The following RANBP2 variants were observed in gnomAD, a reference collection of about 807,000 sequenced individuals.
RANBP2 encodes the protein RAN binding protein 2.
A neutral mutation model predicts 303.6 loss-of-function variants in RANBP2; 57 were observed. The observed-to-expected ratio is 0.19, with a 90% CI of 0.15 to 0.23. The LOEUF is 0.23. Ranked by LOEUF, RANBP2 falls within the 10% of genes least tolerant of loss-of-function variation. RANBP2 has a pLI of 1.00. For synonymous variants in RANBP2, 1,167 were observed against 1,301.5 expected, an observed-to-expected ratio of 0.90 and a Z score of 2.23; for missense variants, 3,138 against 3,780.8, an observed-to-expected ratio of 0.83 and a Z score of 4.46.
chr2:108,946,438 C>T, the RANBP2 span, among the ~76,000 whole-genome samples: 1 of 152,222 alleles, frequency 6.6e-6, no homozygotes, highest in Non-Finnish European at 1.5e-5. Flanking sequence ...GGAATATTGG[C>T]AGCACCAAAC....
chr2:109,447,985 C>G, the RANBP2 span, among the ~76,000 whole-genome samples: 6 of 152,202 alleles, frequency 3.9e-5, no homozygotes, highest in East Asian at 3.9e-4. Flanking sequence ...TGGGCGGCTT[C>G]TCCTCCAGGC....
the RANBP2 span, among the ~76,000 whole-genome samples, chr2:109,071,673 C>A: frequency 1.4e-5 from 2 of 146,926 alleles, no homozygotes; most frequent in Non-Finnish European, 1.5e-5. Flanking sequence ...GACTCTATCT[C>A]AAAAAAAAAA....
At chr2:108,825,647 T>C in the RANBP2 span, among the ~76,000 whole-genome samples, 1 of 152,240 alleles carries the variant, frequency 6.6e-6, no homozygotes, top group South Asian at 2.1e-4. Context: ...TCATTCCTTT[T>C]TATTACCAAA....
the RANBP2 span, among the ~76,000 whole-genome samples, chr2:109,180,658 CTCTT>C: frequency 6.6e-6 from 1 of 152,068 alleles, no homozygotes; most frequent in Non-Finnish European, 1.5e-5. Flanking sequence ...TTGCTTGGCT[CTCTT>C]TGTCTGATGT....
chr2:108,986,631 G>A, the RANBP2 span, among the ~76,000 whole-genome samples: 1 of 152,250 alleles, frequency 6.6e-6, no homozygotes, highest in African/African-American at 2.4e-5. Flanking sequence ...GAACCTCTCT[G>A]AGCCTCAATT....
Position 108,754,977 on chromosome 2 carries a change from G to C in RANBP2, c.2275G>C (p.Gly759Arg), listed in dbSNP as rs779220689. 1 of 1,611,680 alleles carries C rather than the reference G, an allele frequency of 6.2e-7. No individual in the cohort carries two copies. The highest frequency in any genetic ancestry group is 1.1e-5 in the South Asian group (1 of 90,992). Residue 759 changes from glycine to arginine, a missense_variant, in exon 16 of 29, where the codon GGA becomes CGA. By Grantham distance (125) the Gly-to-Arg change is moderately radical. This residue lies in a region of RANBP2 where 194 missense variants were observed against 197.4 expected (regional missense o/e 0.98). Coordinates refer to ENST00000283195, the MANE Select transcript of RANBP2 (RefSeq NM_006267.5). ...VMQELEDYSE[G>R]GPLYKNGSLR... Reference sequence around the variant, plus strand: ...GCAGGAACTCGAAGACTATAGTGAAGGAGGTCCTCTCTATAAAAATGGTTC... The same window carrying C: ...GCAGGAACTCGAAGACTATAGTGAACGAGGTCCTCTCTATAAAAATGGTTC...
At chr2:109,656,168 C>A in the RANBP2 span, among the ~76,000 whole-genome samples, 3 of 152,200 alleles carry the variant, frequency 2.0e-5, no homozygotes, top group African/African-American at 7.2e-5. Context: ...CCATGAGCCA[C>A]AGCAGGGGCC....
At chr2:109,164,920 G>A in the RANBP2 span, among the ~76,000 whole-genome samples, 424 of 152,250 alleles carry the variant, frequency 2.8e-3, 2 homozygotes, top group African/African-American at 9.4e-3. Context: ...CACTACAACT[G>A]GACCATTGCA....
At chr2:109,308,855 T>C in the RANBP2 span, among the ~76,000 whole-genome samples, 1 of 67,848 alleles carries the variant, frequency 1.5e-5, no homozygotes, top group African/African-American at 1.3e-4. Flanking sequence ...AGTCAGGTAG[T>C]GTGATGCCTC....
At chr2:109,498,642 C>A in the RANBP2 span, among the ~76,000 whole-genome samples, 2 of 152,212 alleles carry the variant, frequency 1.3e-5, no homozygotes. Flanking sequence ...TTCCCTAGTT[C>A]ATTCCCCCTA....
At chr2:108,917,017 G>A in the RANBP2 span, among the ~76,000 whole-genome samples, 578 of 152,302 alleles carry the variant, frequency 3.8e-3, 4 homozygotes, top group African/African-American at 0.013. Context: ...TCTTCCCTGC[G>A]CTCGGAGCTC....
the RANBP2 span, among the ~76,000 whole-genome samples, chr2:109,620,912 T>C: frequency 6.6e-6 from 1 of 152,184 alleles, no homozygotes; most frequent in African/African-American, 2.4e-5. Context: ...AAACATACCA[T>C]GGACTGCCTT....
chr2:109,357,447 C>T, the RANBP2 span, among the ~76,000 whole-genome samples: 1 of 152,220 alleles, frequency 6.6e-6, no homozygotes, highest in African/African-American at 2.4e-5. Context: ...TCCCAAAGTG[C>T]TGGGATTACA....
the RANBP2 span, among the ~76,000 whole-genome samples, chr2:109,160,857 A>G: frequency 0.82 from 124,656 of 152,158 alleles, 51,211 homozygotes; most frequent in East Asian, 0.89. Context: ...CAGGGCCAGG[A>G]GAGGCTGCAA....
chr2:109,305,579 A>G, the RANBP2 span, among the ~76,000 whole-genome samples: 1 of 152,146 alleles, frequency 6.6e-6, no homozygotes, highest in African/African-American at 2.4e-5. Context: ...AGCAGTAGAG[A>G]GTCTCAGCTA....
the RANBP2 span, chr2:109,614,663 G>A: frequency 8.2e-5 from 121 of 1,480,370 alleles, no homozygotes; most frequent in African/African-American, 1.6e-3. Flanking sequence ...ACTTCAAGGA[G>A]CTGGTGAACG....
At chr2:109,422,332 G>C in the RANBP2 span, among the ~76,000 whole-genome samples, 1 of 152,176 alleles carries the variant, frequency 6.6e-6, no homozygotes, top group Non-Finnish European at 1.5e-5. Context: ...TGATCTTCAT[G>C]ATTGCATAGC....
chr2:109,649,006 G>A, the RANBP2 span, among the ~76,000 whole-genome samples: 1 of 152,138 alleles, frequency 6.6e-6, no homozygotes, highest in South Asian at 2.1e-4. Context: ...AGGACAATCA[G>A]GTAGGTGGCT....
At chr2:108,777,856 G>A (rs1271962153) in intron 25 of RANBP2, among the ~76,000 whole-genome samples, 1 of 151,944 alleles carries the variant, frequency 6.6e-6, no homozygotes, top group Non-Finnish European at 1.5e-5. Flanking sequence ...TCTAGTACAA[G>A]GTGTTTGATT....
Sources: gnomAD v4.1 joint callset for allele counts (sites outside exome capture counted in the v4.1 genomes callset) on GRCh38, gnomAD v4.1.1 for gene constraint, gnomAD v4.1.1 regional missense constraint, MANE v1.5 for transcripts, NCBI Gene and HGNC (gene_info 2026-07-23, HGNC 2026-07-21) for gene names.